The following RTN4 variants were observed in gnomAD, a reference collection of about 807,000 sequenced individuals.
The protein encoded by RTN4 is reticulon-4.
In RTN4, 32 loss-of-function variants were observed where a neutral mutation model predicts 90.4. The observed-to-expected ratio is 0.35, with a 90% CI of 0.27 to 0.48. The LOEUF (loss-of-function observed/expected upper bound fraction) is 0.48, where lower values mean the gene tolerates loss of function less well. RTN4 is among the 20% of genes least tolerant of loss of function. The pLI is 0.99. For synonymous variants in RTN4, 629 were observed against 552.5 expected (o/e 1.14, Z -1.94); for missense variants, 1,706 against 1,430.2 (o/e 1.19, Z -3.11).
chr2:55,034,603 T>A (rs553131919), intron 1 of RTN4, among the ~76,000 whole-genome samples: 10 of 152,294 alleles, frequency 6.6e-5, no homozygotes, highest in African/African-American at 2.2e-4. Flanking sequence ...CTAAGACACC[T>A]ACAATACAAG....
intron 4 of RTN4, among the ~76,000 whole-genome samples, chr2:54,985,298 T>C (rs892375149): frequency 6.6e-6 from 1 of 151,450 alleles, no homozygotes; most frequent in Admixed American, 6.6e-5. Flanking sequence ...TAGCTGGGAC[T>C]ACTGGCATGC....
chr2:55,039,461 G>T (rs1682915005), intron 1 of RTN4, among the ~76,000 whole-genome samples: 1 of 152,128 alleles, frequency 6.6e-6, no homozygotes, highest in African/African-American at 2.4e-5. Context: ...TAAAAAGAAA[G>T]AAAGAAAGAC....
At chr2:55,049,508 G>T in intron 1 of RTN4, 3 of 616,032 alleles carry the variant, frequency 4.9e-6, no homozygotes, top group East Asian at 3.3e-5. Context: ...AGTGGGAGCC[G>T]GGAGCGGTGC....
At chr2:55,075,347 A>AAACAC (rs1161978929) in intron 2 of RTN4, among the ~76,000 whole-genome samples, 1 of 152,214 alleles carries the variant, frequency 6.6e-6, no homozygotes, top group African/African-American at 2.4e-5. Flanking sequence ...AAACAAAACA[A>AAACAC]AACAAAACCT....
At chr2:55,062,763 C>A (rs995786498) in intron 2 of RTN4, among the ~76,000 whole-genome samples, 1 of 152,162 alleles carries the variant, frequency 6.6e-6, no homozygotes, top group Non-Finnish European at 1.5e-5. Context: ...TTGTTTGGCA[C>A]CTTATGAATG....
At chr2:55,048,135 G>C (rs1667874024) in intron 1 of RTN4, among the ~76,000 whole-genome samples, 1 of 152,192 alleles carries the variant, frequency 6.6e-6, no homozygotes, top group South Asian at 2.1e-4. Context: ...TTTGTGTAGT[G>C]TTTATCTAAA....
chr2:55,015,441 TA>T (rs1466634799), intron 3 of RTN4, among the ~76,000 whole-genome samples: 1 of 152,254 alleles, frequency 6.6e-6, no homozygotes, highest in East Asian at 1.9e-4. Flanking sequence ...AAATGTAAAC[TA>T]AAAATCTTTT....
At position 55,049,888 on chromosome 2, in the gene RTN4, T is replaced by C. The variant is rs1668002686; in HGVS notation, c.413A>G (p.Glu138Gly). 2.3e-6 allele frequency: 3 copies of C among 1,320,842 alleles called. No individual in the cohort carries two copies. The highest frequency in any genetic ancestry group is 2.9e-6 in the Non-Finnish European group (3 of 1,039,354). 81.8% of individuals were successfully genotyped at this position (1,320,842 alleles called of 1,614,324 possible). ...AGGAGGGGGAGGCCGGGCCGGAGGC[T>C]CGTCGTCCTCAGGGAGCTTGGAGGG... ...VSPSKLPEDD[E>G]PPARPPPPPP... The change falls in exon 1 of 9, where the codon GAG (glutamate) becomes GGG (glycine). Residue 138 changes from glutamate (E) to glycine (G), a missense_variant. Transcript: ENST00000337526.
chr2:55,013,797 C>T (rs1334283468), intron 3 of RTN4, among the ~76,000 whole-genome samples: 2 of 152,152 alleles, frequency 1.3e-5, no homozygotes, highest in East Asian at 1.9e-4. Context: ...CCAGGAAAAA[C>T]TCAGGTTTTT....
intron 6 of RTN4, 79 bp from the exon 7 acceptor site, chr2:54,973,946 G>A: frequency 8.1e-7 from 1 of 1,233,296 alleles, no homozygotes; most frequent in Non-Finnish European, 1.2e-6. Flanking sequence ...CTATTAAACT[G>A]GCAACTCAAG....
At chr2:55,008,578 C>T (rs1242822714) in intron 3 of RTN4, among the ~76,000 whole-genome samples, 2 of 151,930 alleles carry the variant, frequency 1.3e-5, no homozygotes, top group Admixed American at 6.6e-5. Flanking sequence ...GTGAGGCTCC[C>T]CAGAGATATT....
chr2:54,990,055 TA>T (rs1309826491), intron 3 of RTN4, among the ~76,000 whole-genome samples: 3 of 151,986 alleles, frequency 2.0e-5, no homozygotes, highest in African/African-American at 7.2e-5. Context: ...TCACCTAGAC[TA>T]AAAAAATGGT....
chr2:54,973,514 T>A (rs778240083), intron 8 of RTN4, 49 bp downstream of exon 8: 1 of 1,387,992 alleles, frequency 7.2e-7, no homozygotes, highest in Non-Finnish European at 1.0e-6. Flanking sequence ...GTTCTCACAA[T>A]CCAGCACACC....
chr2:55,014,253 T>TA (rs1273256814), intron 3 of RTN4, among the ~76,000 whole-genome samples: 1 of 152,066 alleles, frequency 6.6e-6, no homozygotes, highest in Non-Finnish European at 1.5e-5. Flanking sequence ...ACGAGCATTT[T>TA]AAAGTCTATA....
Position 55,082,191 on chromosome 2 carries a change from T to C in RTN4, c.-213-1552A>G, listed in dbSNP as rs1668733924. Among the ~76,000 whole-genome samples the C allele has an allele frequency of 2.6e-5, 4 of 152,330 alleles. No individual in the cohort carries two copies. The South Asian group carries it at 8.3e-4, about 32-fold the overall frequency. ...TACCACTTCCAGGTATGGAACAGGC[T>C]GACAGAGCTGGATCCAAAGGGCTCA... On this transcript the variant is annotated intron_variant, in intron 1 of 3. Transcript: ENST00000427710.
chr2:55,050,189 C>A lies in RTN4; in HGVS notation c.112G>T (p.Glu38Ter), dbSNP rs1028539108. The A allele has an allele frequency of 1.3e-6, 2 of 1,570,774 alleles. No individual in the cohort carries two copies. The highest frequency in any genetic ancestry group is 1.7e-6 in the Non-Finnish European group (2 of 1,163,560). ...TCCTCGTCCTCCTCTTCCTCCTCCT[C>A]TTCTTCCTCCTCGTCCTCGGGCTCC... ...VREPEDEEEE[E>*]EEEEEDEDED... Residue 38 changes from glutamate (E) to a stop codon, truncating the protein, a stop_gained, in exon 1 of 9, where the codon GAG becomes TAG. Transcript: ENST00000337526. LOFTEE classifies it high-confidence loss of function. This position sits in a 1 kb window ranked among gnomAD's most constrained non-coding sequence, Gnocchi z 4.6.
chr2:55,049,674 G>T (rs1667985816), intron 1 of RTN4, 71 bp downstream of exon 1: 2 of 1,493,970 alleles, frequency 1.3e-6, no homozygotes, highest in African/African-American at 1.4e-5. Context: ...CCAGCCCAAA[G>T]CATCTGGGGC....
At chr2:55,030,622 G>C (rs146108829) in intron 1 of RTN4, among the ~76,000 whole-genome samples, 32 of 152,294 alleles carry the variant, frequency 2.1e-4, no homozygotes, top group African/African-American at 7.5e-4. Context: ...GAAGGAGGGA[G>C]AGGGAAAGAA....
intron 2 of RTN4, among the ~76,000 whole-genome samples, chr2:55,066,446 G>C (rs1042901302): frequency 2.0e-5 from 3 of 152,096 alleles, no homozygotes; most frequent in African/African-American, 7.2e-5. Flanking sequence ...TGTAATCCCA[G>C]CACTTTGGGA....
Sources: gnomAD v4.1 joint callset for allele counts (sites outside exome capture counted in the v4.1 genomes callset) on GRCh38, gnomAD v4.1.1 for gene constraint, Gnocchi (gnomAD v3.1) non-coding constraint, MANE v1.5 for transcripts, NCBI Gene and HGNC (gene_info 2026-07-23, HGNC 2026-07-21) for gene names.